Variants in ZFAT observed in about 807,000 individuals in gnomAD.
ZFAT encodes zinc finger protein ZFAT.
ZFAT carries 64 observed loss-of-function variants against 117.7 expected under a neutral mutation model. The ratio of observed to expected loss-of-function variants is 0.54; its 90% CI spans 0.44 to 0.67. The LOEUF (loss-of-function observed/expected upper bound fraction) is 0.67, where lower values mean the gene tolerates loss of function less well. ZFAT is among the 30% of genes least tolerant of loss of function. The probability of loss-of-function intolerance (pLI) is 0.00; values close to 1 mark genes in which losing one functional copy is unlikely to be tolerated. For synonymous variants in ZFAT, 679 were observed against 615.0 expected (o/e 1.10, Z -1.54); for missense variants, 1,433 against 1,584.5 (o/e 0.90, Z 1.62).
At chr8:134,565,000 G>C (rs1824328770) in intron 11 of ZFAT, 8 of 1,278,456 alleles carry the variant, frequency 6.3e-6, no homozygotes, top group East Asian at 1.0e-4. Context: ...CAGCAATCCA[G>C]GATCTGAAAG....
rs141497456 is a variant in ZFAT, at chr8:134,686,657, G to A, written c.19+26188C>T. Among the ~76,000 whole-genome samples the A allele has an allele frequency of 7.9e-3, 1,206 of 152,218 alleles. 3 individuals are homozygous for A. Among genetic ancestry groups the A allele is most frequent in the Middle Eastern group, 0.034 (10 of 294 alleles). Reference sequence around the variant, plus strand: ...GTGTGACCCTGCGCACACACACTTGGCCTCTCTGAGCTTCAGTTTCCTTCT... The same window carrying A: ...GTGTGACCCTGCGCACACACACTTGACCTCTCTGAGCTTCAGTTTCCTTCT... On this transcript the variant is annotated intron_variant, in intron 1 of 15. Coordinates refer to ENST00000377838, the MANE Select transcript of ZFAT (RefSeq NM_020863.4).
At chr8:134,668,086 G>C (rs111887674) in intron 1 of ZFAT, among the ~76,000 whole-genome samples, 16,080 of 152,232 alleles carry the variant, frequency 0.11, 1,074 homozygotes, top group Non-Finnish European at 0.16. Flanking sequence ...GCTGAGGCTT[G>C]AGTAGGTAAA....
At chr8:134,591,415 G>T (rs1446377031) in intron 7 of ZFAT, among the ~76,000 whole-genome samples, 2 of 152,254 alleles carry the variant, frequency 1.3e-5, no homozygotes, top group East Asian at 3.8e-4. Context: ...CAATTAGGAA[G>T]AAGCTTTTGT....
At chr8:134,546,196 C>G (rs1161300527) in intron 11 of ZFAT, among the ~76,000 whole-genome samples, 1 of 152,160 alleles carries the variant, frequency 6.6e-6, no homozygotes, top group Non-Finnish European at 1.5e-5. Context: ...GAATTTCTCT[C>G]TAAAGACCCA....
chr8:134,756,955 A>G, the ZFAT span, among the ~76,000 whole-genome samples: 1 of 150,782 alleles, frequency 6.6e-6, no homozygotes, highest in Admixed American at 6.6e-5. Context: ...TACGGCCTCA[A>G]TTACAACCAA....
chr8:134,518,893 T>C (rs770082366), intron 13 of ZFAT, among the ~76,000 whole-genome samples: 69 of 152,286 alleles, frequency 4.5e-4, no homozygotes, highest in Non-Finnish European at 8.1e-4. Flanking sequence ...GTGTCACTTA[T>C]CAAAAAGCCC....
intron 10 of ZFAT, 43 bp downstream of exon 10, chr8:134,583,789 C>G (rs376225092): frequency 1.2e-6 from 2 of 1,600,472 alleles, no homozygotes; most frequent in African/African-American, 2.7e-5. Context: ...AGCTTCAAAC[C>G]ACACATTTAG....
chr8:134,727,872 A>G, the ZFAT span, among the ~76,000 whole-genome samples: 1 of 152,222 alleles, frequency 6.6e-6, no homozygotes, highest in Non-Finnish European at 1.5e-5. Context: ...TTTGCCCCCT[A>G]GGTTATAGTT....
chr8:134,627,367 T>A (rs1005382268), intron 3 of ZFAT, among the ~76,000 whole-genome samples: 2 of 152,150 alleles, frequency 1.3e-5, no homozygotes, highest in African/African-American at 4.8e-5. Context: ...AAGGAGGAAT[T>A]CGAGATGGCT....
At chr8:134,672,899 A>C (rs1832627126) in intron 1 of ZFAT, among the ~76,000 whole-genome samples, 1 of 152,250 alleles carries the variant, frequency 6.6e-6, no homozygotes, top group Non-Finnish European at 1.5e-5. Flanking sequence ...CTAAACAGGA[A>C]GAAAATATAA....
chr8:134,735,458 T>C, the ZFAT span, among the ~76,000 whole-genome samples: 230 of 152,350 alleles, frequency 1.5e-3, no homozygotes, highest in Middle Eastern at 3.4e-3. Flanking sequence ...CAAAACACTT[T>C]ATTTACAAAA....
At chr8:134,744,587 C>T in the ZFAT span, among the ~76,000 whole-genome samples, 21 of 152,082 alleles carry the variant, frequency 1.4e-4, no homozygotes, top group African/African-American at 4.8e-4. Flanking sequence ...TGAACCACTG[C>T]GCGCAGCCTG....
chr8:134,549,313 C>T (rs1191801373), intron 11 of ZFAT, among the ~76,000 whole-genome samples: 2 of 152,026 alleles, frequency 1.3e-5, no homozygotes, highest in African/African-American at 4.8e-5. Flanking sequence ...TGGGGGCAGG[C>T]ACCTGTACTC....
intron 3 of ZFAT, among the ~76,000 whole-genome samples, chr8:134,615,996 A>T (rs1242256487): frequency 6.6e-6 from 1 of 152,204 alleles, no homozygotes; most frequent in East Asian, 1.9e-4. Context: ...AGGGAGTATC[A>T]AATAACTCCA....
the ZFAT span, among the ~76,000 whole-genome samples, chr8:134,747,430 T>A: frequency 6.6e-6 from 1 of 152,204 alleles, no homozygotes. Context: ...TGTTTAAGCA[T>A]CCTTTCTGAA....
chr8:134,755,833 A>AG, the ZFAT span, among the ~76,000 whole-genome samples: 8 of 150,630 alleles, frequency 5.3e-5, no homozygotes, highest in Non-Finnish European at 1.0e-4. Context: ...AAAAAAAAAA[A>AG]AAAGAAAAAG....
intron 1 of ZFAT, among the ~76,000 whole-genome samples, chr8:134,672,687 C>G (rs1367128034): frequency 6.6e-6 from 1 of 152,138 alleles, no homozygotes; most frequent in Non-Finnish European, 1.5e-5. Flanking sequence ...GCAGATTTAT[C>G]ATCATATACA....
At chr8:134,528,982 A>T (rs1218782001) in intron 12 of ZFAT, among the ~76,000 whole-genome samples, 1 of 152,196 alleles carries the variant, frequency 6.6e-6, no homozygotes, top group Non-Finnish European at 1.5e-5. Context: ...ATTCATCAAG[A>T]ACTTACTGTC....
At chr8:134,662,313 G>C (rs1456824664) in intron 1 of ZFAT, among the ~76,000 whole-genome samples, 2 of 152,156 alleles carry the variant, frequency 1.3e-5, no homozygotes, top group East Asian at 3.8e-4. Flanking sequence ...TGAATTTTAG[G>C]AGGAAACAAA....
Sources: allele counts gnomAD v4.1 joint callset (sites outside exome capture counted in the v4.1 genomes callset), GRCh38; gene constraint gnomAD v4.1.1; transcripts MANE v1.5; gene names NCBI Gene and HGNC (gene_info 2026-07-23, HGNC 2026-07-21).